Variants in ZMAT4 observed in about 807,000 individuals in gnomAD.
The protein encoded by ZMAT4 is zinc finger matrin-type 4.
Under a neutral mutation model 28.7 loss-of-function variants are expected in ZMAT4, and 17 were observed. That is an observed-to-expected ratio of 0.59 (90% confidence interval 0.41 to 0.89). The LOEUF is 0.89. Among genes scored for constraint, ZMAT4 ranks in the 40% least tolerant of loss-of-function variants. ZMAT4 has a pLI of 0.00. For synonymous variants in ZMAT4, 117 were observed against 109.2 expected (o/e 1.07, Z -0.44); for missense variants, 240 against 283.8 (o/e 0.85, Z 1.11).
intron 1 of ZMAT4, among the ~76,000 whole-genome samples, chr8:40,851,270 G>C (rs989175816): frequency 6.6e-6 from 1 of 152,204 alleles, no homozygotes; most frequent in Non-Finnish European, 1.5e-5. Flanking sequence ...GGAGATTGCA[G>C]TGAGCCAAGA....
chr8:40,825,750 T>C, intron 1 of ZMAT4, 70 bp from the exon 2 acceptor site: 1 of 1,282,250 alleles, frequency 7.8e-7, no homozygotes, highest in South Asian at 1.3e-5. Flanking sequence ...ATTAACCGTA[T>C]GAAAAGCCAG....
At chr8:40,881,543 A>C (rs60163769) in intron 1 of ZMAT4, among the ~76,000 whole-genome samples, 13 of 65,864 alleles carry the variant, frequency 2.0e-4, no homozygotes, top group African/African-American at 8.5e-4. Context: ...AGAAAGAAAG[A>C]AAGAAAGAAA....
chr8:40,845,470 T>C (rs1257623238), intron 1 of ZMAT4, among the ~76,000 whole-genome samples: 1 of 152,172 alleles, frequency 6.6e-6, no homozygotes, highest in Non-Finnish European at 1.5e-5. Context: ...CGTGTGCCAG[T>C]TGACAATTTT....
intron 1 of ZMAT4, among the ~76,000 whole-genome samples, chr8:40,897,104 C>G (rs555353097): frequency 1.3e-5 from 2 of 151,914 alleles, no homozygotes; most frequent in African/African-American, 2.4e-5. Flanking sequence ...CACGTAGGTG[C>G]CCACCAGGTC....
chr8:40,640,658 T>C (rs1361202995), intron 5 of ZMAT4, among the ~76,000 whole-genome samples: 1 of 151,932 alleles, frequency 6.6e-6, no homozygotes, highest in Non-Finnish European at 1.5e-5. Flanking sequence ...TAGCTCCCTT[T>C]ACTTAAAAAA....
Position 40,750,319 on chromosome 8 carries a change from T to C in ZMAT4, c.192+17322A>G, listed in dbSNP as rs539069559. Among the ~76,000 whole-genome samples, 32 of 152,250 alleles carry C rather than the reference T, an allele frequency of 2.1e-4. 1 individual carries two copies. In the South Asian group the frequency reaches 6.6e-3, roughly 32 times the overall value. ...TTCTGCAAGAATAATATTTTAGGCA[T>C]GGGGAATGCCCAGAGGTTACTAAAG... is the stretch of plus-strand genomic sequence containing the variant. On this transcript the variant is annotated intron_variant, in intron 3 of 6. Transcript: ENST00000297737.
intron 5 of ZMAT4, among the ~76,000 whole-genome samples, chr8:40,619,573 C>T (rs140665873): frequency 1.4e-4 from 21 of 152,220 alleles, no homozygotes; most frequent in Admixed American, 1.1e-3. Context: ...CAGAGAGCAG[C>T]GGCAGAACCT....
rs181457902 is a variant in ZMAT4, at chr8:40,791,643, C to T, written c.103-23913G>A. On this transcript the variant is annotated intron_variant, in intron 2 of 6. Transcript: ENST00000297737. ...AGCTTGTTGAGGGCAGGGAATAGTCCGAATTGCTCACTGCTAGATCTCCAG... is the reference window on the plus strand; with the variant it reads ...AGCTTGTTGAGGGCAGGGAATAGTCTGAATTGCTCACTGCTAGATCTCCAG... 3.2e-3 allele frequency among the ~76,000 whole-genome samples: 485 copies of T among 152,268 alleles called. 3 individuals are homozygous for T. The highest frequency in any genetic ancestry group is 0.011 in the African/African-American group (473 of 41,540).
intron 1 of ZMAT4, among the ~76,000 whole-genome samples, chr8:40,834,764 T>C (rs1262768083): frequency 1.3e-5 from 2 of 152,180 alleles, no homozygotes; most frequent in Admixed American, 1.3e-4. Flanking sequence ...GAACATCTCC[T>C]TACCCTGTAG....
chr8:40,775,168 A>G (rs1225124205), intron 2 of ZMAT4, among the ~76,000 whole-genome samples: 1 of 152,246 alleles, frequency 6.6e-6, no homozygotes, highest in Non-Finnish European at 1.5e-5. Context: ...GAAGGAAAGA[A>G]TAAGTTAACC....
chr8:40,581,107 T>C, intron 6 of ZMAT4, 58 bp downstream of exon 6: 1 of 1,386,530 alleles, frequency 7.2e-7, no homozygotes, highest in Admixed American at 1.7e-5. Flanking sequence ...GAGCCTTTAG[T>C]CATCTTACTA....
chr8:40,883,873 G>A (rs1309355096), intron 1 of ZMAT4, among the ~76,000 whole-genome samples: 1 of 152,118 alleles, frequency 6.6e-6, no homozygotes, highest in Non-Finnish European at 1.5e-5. Context: ...GAATCTATGA[G>A]ACTGTTTTTG....
Position 40,808,305 on chromosome 8 carries a change from A to G in ZMAT4, c.102+17270T>C, listed in dbSNP as rs190501490. On this transcript the variant is annotated intron_variant, in intron 2 of 6. Transcript: ENST00000297737. ...AGGAAACTACTATGAGAACACCTGA[A>G]ACAATAAAGGTTTCAATAAAGAATG... Among the ~76,000 whole-genome samples the G allele has an allele frequency of 5.4e-4, 82 of 152,272 alleles. 1 individual carries two copies. Among genetic ancestry groups the G allele is most frequent in the Admixed American group, 5.9e-4 (9 of 15,280 alleles).
intron 6 of ZMAT4, among the ~76,000 whole-genome samples, chr8:40,548,373 A>C (rs1390944579): frequency 6.6e-6 from 1 of 152,182 alleles, no homozygotes; most frequent in East Asian, 1.9e-4. Context: ...GGTGATTTTT[A>C]AAATGCTATT....
chr8:40,566,532 C>T (rs1803932249), intron 6 of ZMAT4, among the ~76,000 whole-genome samples: 1 of 152,048 alleles, frequency 6.6e-6, no homozygotes, highest in African/African-American at 2.4e-5. Flanking sequence ...ATGGGAGGTG[C>T]ATTTTTACTT....
intron 2 of ZMAT4, among the ~76,000 whole-genome samples, chr8:40,778,725 T>G (rs1171729608): frequency 6.6e-6 from 1 of 152,228 alleles, no homozygotes; most frequent in Non-Finnish European, 1.5e-5. Flanking sequence ...CATTATCACC[T>G]GCAGCTCAAC....
chr8:40,772,546 C>G (rs561583197), intron 2 of ZMAT4, among the ~76,000 whole-genome samples: 2 of 152,154 alleles, frequency 1.3e-5, no homozygotes, highest in African/African-American at 4.8e-5. Flanking sequence ...TAAAACGTGG[C>G]GATAACAAAG....
intron 1 of ZMAT4, among the ~76,000 whole-genome samples, chr8:40,897,424 C>T (rs1818915259): frequency 6.6e-6 from 1 of 152,160 alleles, no homozygotes; most frequent in African/African-American, 2.4e-5. Flanking sequence ...CTGCAGACAC[C>T]CTAGCCTGAG....
intron 3 of ZMAT4, among the ~76,000 whole-genome samples, chr8:40,765,986 A>G (rs1387304847): frequency 6.6e-6 from 1 of 152,212 alleles, no homozygotes; most frequent in East Asian, 1.9e-4. Context: ...CGGAGGTTAC[A>G]TAAAAGCTGG....
Sources: gnomAD v4.1 joint callset for allele counts (sites outside exome capture counted in the v4.1 genomes callset) on GRCh38, gnomAD v4.1.1 for gene constraint, MANE v1.5 for transcripts, NCBI Gene and HGNC (gene_info 2026-07-23, HGNC 2026-07-21) for gene names.